GDAP1L1: variants seen among roughly 807,000 people sequenced by gnomAD.
The protein encoded by GDAP1L1 is ganglioside-induced differentiation-associated protein 1-like 1.
Under a neutral mutation model 37.1 loss-of-function variants are expected in GDAP1L1, and 21 were observed. The ratio of observed to expected loss-of-function variants is 0.57; its 90% CI spans 0.40 to 0.81. GDAP1L1 has a LOEUF of 0.81. GDAP1L1 is among the 40% of genes least tolerant of loss of function. The pLI, the probability that GDAP1L1 is intolerant of heterozygous loss-of-function variation, is 0.00. For missense variants in GDAP1L1, 362 were observed against 491.6 expected, an observed-to-expected ratio of 0.74 and a Z score of 2.49; for synonymous variants, 193 against 209.1, an observed-to-expected ratio of 0.92 and a Z score of 0.67.
chr20:44,277,240 T>C (rs1431824172), intron 5 of GDAP1L1, among the ~76,000 whole-genome samples: 1 of 152,114 alleles, frequency 6.6e-6, no homozygotes, highest in Non-Finnish European at 1.5e-5. Context: ...GTGCTGGGAT[T>C]ACAGGCGTGA....
At chr20:44,276,996 C>G (rs374304182) in intron 5 of GDAP1L1, among the ~76,000 whole-genome samples, 1 of 152,064 alleles carries the variant, frequency 6.6e-6, no homozygotes, top group African/African-American at 2.4e-5. Flanking sequence ...CCATTTAAAA[C>G]TTCCATTTTA....
chr20:44,279,119 G>A lies in GDAP1L1; in HGVS notation c.923G>A (p.Arg308His), dbSNP rs1193215143. The A allele has an allele frequency of 6.2e-6, 10 of 1,614,180 alleles. No homozygotes were observed. Among genetic ancestry groups the A allele is most frequent in the East Asian group, 4.5e-5 (2 of 44,886 alleles). The change falls in exon 6 of 6, where the codon CGC becomes CAC. Residue 308 changes from arginine to histidine, a missense_variant. Physicochemically the swap from Arg to His is conservative, Grantham distance 29. Coordinates refer to ENST00000342560, the MANE Select transcript of GDAP1L1 (RefSeq NM_024034.6). ...LQSFFERVQR[R>H]FAFRKVLGDI... ...TCCTTCTTTGAGAGGGTCCAGAGAC[G>A]CTTTGCCTTCCGGAAAGTCCTGGGT...
At chr20:44,258,396 C>G in intron 2 of GDAP1L1, 38 bp from the exon 3 acceptor site, 2 of 1,541,434 alleles carry the variant, frequency 1.3e-6, no homozygotes, top group Non-Finnish European at 1.8e-6. Flanking sequence ...GCAGGTGCCC[C>G]TCTGGCTTCC....
In GDAP1L1 at chr20:44,279,369, G is replaced by C; in HGVS notation, c.*69G>C. ...CTGTGTGATTCCCCGTGAGCTCTCA[G>C]TAACTCACTGTCTCATGAACACTTG... On this transcript the variant is annotated 3_prime_UTR_variant, in exon 6 of 6. Transcript: ENST00000342560. 1.0e-6 allele frequency: 1 copy of C among 976,792 alleles called. No homozygotes were observed. The highest frequency in any genetic ancestry group is 2.4e-5 in the East Asian group (1 of 41,982). 60.5% of individuals were successfully genotyped at this position (976,792 alleles called of 1,614,324 possible).
Position 44,280,471 on chromosome 20 carries a change from C to A in GDAP1L1, c.*1171C>A, listed in dbSNP as rs957143921. The A allele has an allele frequency of 1.3e-5, 2 of 152,776 alleles. No homozygotes were observed. Among genetic ancestry groups the A allele is most frequent in the African/African-American group, 2.4e-5 (1 of 41,454 alleles). 9.5% of individuals were successfully genotyped at this position (152,776 alleles called of 1,614,324 possible). On this transcript the variant is annotated 3_prime_UTR_variant, in exon 6 of 6. Coordinates refer to ENST00000342560, the MANE Select transcript of GDAP1L1 (RefSeq NM_024034.6). The stretch of plus-strand genomic sequence containing the variant: ...GAGATGTGAGGTTTCAGTCTCAGTT[C>A]TTCACAAGAGCAAGCAAGAGTTGAC...
chr20:44,258,309 G>T, intron 2 of GDAP1L1, 125 bp from the exon 3 acceptor site: 1 of 936,322 alleles, frequency 1.1e-6, no homozygotes. Flanking sequence ...CAGCAGCCAA[G>T]CCCGAGCATG....
Position 44,279,344 on chromosome 20 carries a change from CTG to C in GDAP1L1, c.*49_*50del, listed in dbSNP as rs1007463202. The C allele has an allele frequency of 4.0e-6, 5 of 1,255,512 alleles. No individual in the cohort carries two copies. Among genetic ancestry groups the C allele is most frequent in the Non-Finnish European group, 4.6e-6 (4 of 868,330 alleles). The allele number at this position is 1,255,512 out of a possible 1,614,324, so 77.8% of individuals were successfully genotyped here. On this transcript the variant is annotated 3_prime_UTR_variant, in exon 6 of 6. Transcript: ENST00000342560. The stretch of plus-strand genomic sequence containing the variant: ...GTGTCTGACTGTCGGTGTCTCTGTG[CTG>C]TGTGATTCCCCGTGAGCTCTCAGTA...
Position 44,268,535 on chromosome 20 carries a change from A to G in GDAP1L1, c.760+3976A>G, listed in dbSNP as rs2062479587. Among the ~76,000 whole-genome samples the G allele has an allele frequency of 2.6e-5, 4 of 152,236 alleles. No homozygotes were observed. In the South Asian group the frequency reaches 6.2e-4, roughly 24 times the overall value. ...TTGCAGTCTTACAGAGGAAAAAGAC[A>G]TTAGTCAAATAATCCCATAAGTAAA... On this transcript the variant is annotated intron_variant, in intron 5 of 5. Transcript: ENST00000342560.
chr20:44,269,743 A>G (rs111495052), intron 5 of GDAP1L1, among the ~76,000 whole-genome samples: 98 of 152,312 alleles, frequency 6.4e-4, no homozygotes, highest in African/African-American at 2.3e-3. Context: ...CATCCTGGCT[A>G]ACACAGTGAA....
intron 5 of GDAP1L1, among the ~76,000 whole-genome samples, chr20:44,270,206 T>C (rs1479847087): frequency 1.4e-5 from 2 of 138,760 alleles, no homozygotes; most frequent in Non-Finnish European, 3.1e-5. Flanking sequence ...AGTCTCGCTC[T>C]GTCGCCCAGG....
At chr20:44,278,280 G>A (rs1285104492) in intron 5 of GDAP1L1, among the ~76,000 whole-genome samples, 1 of 152,142 alleles carries the variant, frequency 6.6e-6, no homozygotes, top group Non-Finnish European at 1.5e-5. Flanking sequence ...GGCTCTGGGG[G>A]GAATTCCATT....
chr20:44,256,553 G>A (rs992696451), intron 1 of GDAP1L1, among the ~76,000 whole-genome samples: 8 of 151,972 alleles, frequency 5.3e-5, no homozygotes, highest in Admixed American at 2.6e-4. Context: ...GCCTGTAGTC[G>A]GGAGGCTGAG....
At chr20:44,255,845 T>A (rs1445749531) in intron 1 of GDAP1L1, among the ~76,000 whole-genome samples, 1 of 152,092 alleles carries the variant, frequency 6.6e-6, no homozygotes, top group Non-Finnish European at 1.5e-5. Flanking sequence ...TGCCAGGGGA[T>A]CTTGGACAAG....
chr20:44,259,315 G>A (rs1292092679), intron 3 of GDAP1L1, among the ~76,000 whole-genome samples: 1 of 152,054 alleles, frequency 6.6e-6, no homozygotes, highest in Non-Finnish European at 1.5e-5. Context: ...AACACCATGG[G>A]GTCCTACAGC....
chr20:44,262,836 C>T (rs936503049), intron 3 of GDAP1L1, among the ~76,000 whole-genome samples: 8 of 152,148 alleles, frequency 5.3e-5, no homozygotes, highest in African/African-American at 1.9e-4. Flanking sequence ...CCTGCCTCAA[C>T]CTCCTGAGTA....
chr20:44,247,957 G>T (rs2073365458), intron 1 of GDAP1L1, among the ~76,000 whole-genome samples: 1 of 152,060 alleles, frequency 6.6e-6, no homozygotes, highest in South Asian at 2.1e-4. Flanking sequence ...GCACGCTGCC[G>T]TCCCGGACAC....
chr20:44,258,853 C>A (rs558273439), intron 3 of GDAP1L1, among the ~76,000 whole-genome samples: 15 of 152,008 alleles, frequency 9.9e-5, no homozygotes, highest in Non-Finnish European at 1.9e-4. Flanking sequence ...ATCCCCTTCA[C>A]CCCCGACTTC....
chr20:44,252,056 TAA>T (rs1248917280), intron 1 of GDAP1L1, among the ~76,000 whole-genome samples: 1 of 152,258 alleles, frequency 6.6e-6, no homozygotes, highest in Non-Finnish European at 1.5e-5. Flanking sequence ...CAGGCACTGC[TAA>T]ACGCTACCCT....
At chr20:44,274,588 C>T (rs904213398) in intron 5 of GDAP1L1, among the ~76,000 whole-genome samples, 1 of 152,236 alleles carries the variant, frequency 6.6e-6, no homozygotes, top group Non-Finnish European at 1.5e-5. Context: ...GTCTCCTCTT[C>T]GGAACCCTGT....
Sources: allele counts gnomAD v4.1 joint callset (sites outside exome capture counted in the v4.1 genomes callset), GRCh38; gene constraint gnomAD v4.1.1; transcripts MANE v1.5; gene names NCBI Gene and HGNC (gene_info 2026-07-23, HGNC 2026-07-21).